Variants in MYO1E observed in about 807,000 individuals in gnomAD.
MYO1E encodes the protein myosin IE.
MYO1E carries 68 observed loss-of-function variants against 151.1 expected under a neutral mutation model. That is an observed-to-expected ratio of 0.45 (90% CI 0.37 to 0.55). The LOEUF is 0.55. MYO1E is among the 20% of genes least tolerant of loss of function. The pLI, the probability that MYO1E is intolerant of heterozygous loss-of-function variation, is 0.00. For synonymous variants in MYO1E, 601 were observed against 501.7 expected (o/e 1.20, Z -2.64); for missense variants, 1,363 against 1,389.3 (o/e 0.98, Z 0.30).
At chr15:59,176,052 TTTG>T (rs35018814) in intron 19 of MYO1E, among the ~76,000 whole-genome samples, 52 of 151,378 alleles carry the variant, frequency 3.4e-4, no homozygotes, top group African/African-American at 1.2e-3. Flanking sequence ...TGATGTGGGT[TTTG>T]TTGTTGTTGT....
chr15:59,189,295 A>G (rs1462254214), intron 17 of MYO1E, among the ~76,000 whole-genome samples: 9 of 151,974 alleles, frequency 5.9e-5, no homozygotes, highest in Admixed American at 5.9e-4. Flanking sequence ...CCTGAACTCA[A>G]TTATCTGCCT....
chr15:59,344,286 T>A (rs1304685020), intron 1 of MYO1E, among the ~76,000 whole-genome samples: 3 of 152,254 alleles, frequency 2.0e-5, no homozygotes, highest in Non-Finnish European at 4.4e-5. Context: ...AGGTACTGCC[T>A]TGGTGGTCTT....
intron 18 of MYO1E, 136 bp from the exon 19 acceptor site, chr15:59,178,673 C>A: frequency 8.2e-7 from 1 of 1,221,062 alleles, no homozygotes; most frequent in Non-Finnish European, 1.1e-6. Context: ...TACCAGCGTT[C>A]GAAGGCTCAG....
chr15:59,282,635 C>T (rs1046711235), intron 1 of MYO1E, among the ~76,000 whole-genome samples: 31 of 151,130 alleles, frequency 2.1e-4, no homozygotes, highest in Middle Eastern at 3.4e-3. Context: ...TGCTTGAGCC[C>T]GGGAGTTAGA....
At chr15:59,309,166 A>G (rs938368862) in intron 1 of MYO1E, among the ~76,000 whole-genome samples, 19 of 152,206 alleles carry the variant, frequency 1.2e-4, no homozygotes, top group African/African-American at 4.6e-4. Context: ...AGGAAGATTG[A>G]TGGGGAGGGA....
At chr15:59,357,145 A>G (rs1045293693) in intron 1 of MYO1E, among the ~76,000 whole-genome samples, 35 of 152,036 alleles carry the variant, frequency 2.3e-4, no homozygotes, top group African/African-American at 8.4e-4. Context: ...ACCTCAGGTG[A>G]TCCACCCACC....
intron 2 of MYO1E, 179 bp downstream of exon 2, chr15:59,272,127 A>T: frequency 1.6e-6 from 1 of 638,136 alleles, no homozygotes; most frequent in South Asian, 1.9e-5. Flanking sequence ...TTTTATTTTT[A>T]TTTTTTATAA....
chr15:59,149,874 A>C (rs1225891557), intron 26 of MYO1E, among the ~76,000 whole-genome samples: 1 of 152,220 alleles, frequency 6.6e-6, no homozygotes, highest in African/African-American at 2.4e-5. Flanking sequence ...ATGTTTATGG[A>C]AAAAGTACAA....
At chr15:59,261,336 A>C in intron 3 of MYO1E, 84 bp downstream of exon 3, 1 of 953,038 alleles carries the variant, frequency 1.0e-6, no homozygotes, top group Middle Eastern at 2.2e-4. Context: ...GAAAAGTGCA[A>C]AAGTACTGCT....
rs753964149 is a variant in MYO1E at position 59,230,551 on chromosome 15, T to A, written c.510+1151A>T. On this transcript the variant is annotated intron_variant, in intron 6 of 27. Coordinates refer to ENST00000288235, the MANE Select transcript of MYO1E (RefSeq NM_004998.4). ...AAAATTAATTCAAGTGGAAAATTTG[T>A]TTAATTCTTCTTTCCTATTTTATTA... 4.6e-5 allele frequency among the ~76,000 whole-genome samples: 7 copies of A among 152,172 alleles called. 1 individual carries two copies. The highest frequency in any genetic ancestry group is 1.0e-4 in the Non-Finnish European group (7 of 68,014).
At chr15:59,224,602 T>C in intron 8 of MYO1E, 87 bp downstream of exon 8, 1 of 1,550,970 alleles carries the variant, frequency 6.4e-7, no homozygotes, top group Admixed American at 1.7e-5. Context: ...TGCAGCTCTT[T>C]GCTTTATTAA....
At position 59,236,367 on chromosome 15, in the gene MYO1E, T is replaced by A. The variant is rs59853023; in HGVS notation, c.420+218A>T. Among the ~76,000 whole-genome samples, 6,184 of 23,070 alleles carry A rather than the reference T, an allele frequency of 0.27. 612 individuals are homozygous for A. Among genetic ancestry groups the A allele is most frequent in the South Asian group, 0.5 (413 of 832 alleles). The allele number at this position is 23,070 out of a possible 152,430, so 15.1% of individuals were successfully genotyped here. The stretch of plus-strand genomic sequence containing the variant: ...TCTCAAAAAAGAAAAAAAAAAAATA[T>A]ATACACACACACACACACACACACA... On this transcript the variant is annotated intron_variant, in intron 5 of 27. Transcript: ENST00000288235.
intron 8 of MYO1E, among the ~76,000 whole-genome samples, chr15:59,223,875 C>A (rs571440264): frequency 1.5e-4 from 23 of 152,268 alleles, no homozygotes; most frequent in African/African-American, 5.3e-4. Context: ...CACTTTTCCC[C>A]GCAGCTGCTT....
intron 17 of MYO1E, among the ~76,000 whole-genome samples, chr15:59,191,490 A>T (rs1596358707): frequency 3.3e-5 from 5 of 152,172 alleles, no homozygotes; most frequent in Admixed American, 2.6e-4. Context: ...AATGCATGAA[A>T]AATGCATTTA....
At chr15:59,195,969 T>G (rs528949958) in intron 16 of MYO1E, among the ~76,000 whole-genome samples, 13 of 152,248 alleles carry the variant, frequency 8.5e-5, no homozygotes, top group African/African-American at 2.6e-4. Context: ...TCTCATTAAC[T>G]TTTTTTCCCC....
At chr15:59,191,332 C>CAGAGAGAGAGAGAG (rs34694267) in intron 17 of MYO1E, among the ~76,000 whole-genome samples, 3,332 of 105,418 alleles carry the variant, frequency 0.032, 89 homozygotes, top group African/African-American at 0.06. Context: ...CAGACAGAGA[C>CAGAGAGAGAGAGAG]AGAGAGAGAG....
intron 1 of MYO1E, among the ~76,000 whole-genome samples, chr15:59,320,612 C>T (rs1227150004): frequency 1.2e-4 from 18 of 152,184 alleles, no homozygotes; most frequent in African/African-American, 4.3e-4. Context: ...ATAAATGGTG[C>T]TAGGGTGCTT....
At chr15:59,316,783 T>C (rs1413282776) in intron 1 of MYO1E, among the ~76,000 whole-genome samples, 1 of 152,216 alleles carries the variant, frequency 6.6e-6, no homozygotes, top group East Asian at 1.9e-4. Context: ...TTTCAAAATA[T>C]TTCTATGAAA....
chr15:59,138,306 T>TGGGCTG lies in MYO1E; in HGVS notation c.3136_3141dup (p.Gln1046_Pro1047dup), dbSNP rs2079386131. On this transcript the variant is annotated inframe_insertion, in exon 27 of 28. Coordinates refer to ENST00000288235, the MANE Select transcript of MYO1E (RefSeq NM_004998.4). ...CACTGTGGCACCTGAGGCTTGGGCT[T>TGGGCTG]GGGCTGGGGCTTGGGTCTGCCCCCT... is the stretch of plus-strand genomic sequence containing the variant. 1.9e-6 allele frequency: 3 copies of TGGGCTG among 1,614,096 alleles called. No individual in the cohort carries two copies. Among genetic ancestry groups the TGGGCTG allele is most frequent in the African/African-American group, 1.3e-5 (1 of 74,942 alleles).
Sources: allele counts gnomAD v4.1 joint callset (sites outside exome capture counted in the v4.1 genomes callset), GRCh38; gene constraint gnomAD v4.1.1; transcripts MANE v1.5; gene names NCBI Gene and HGNC (gene_info 2026-07-23, HGNC 2026-07-21).